RNF157: variants seen among roughly 807,000 people sequenced by gnomAD.
The protein encoded by RNF157 is ring finger protein 157, also known as E3 ubiquitin ligase RNF157.
RNF157 carries 55 observed loss-of-function variants against 88.3 expected under a neutral mutation model. The observed-to-expected ratio is 0.62, with a 90% CI of 0.50 to 0.78. The LOEUF is 0.78. RNF157 is among the 30% of genes least tolerant of loss of function. The probability of loss-of-function intolerance (pLI) is 0.00; values close to 1 mark genes in which losing one functional copy is unlikely to be tolerated. For synonymous variants in RNF157, 334 were observed against 341.2 expected (o/e 0.98, Z 0.23); for missense variants, 788 against 860.8 (o/e 0.92, Z 1.06).
intron 1 of RNF157, among the ~76,000 whole-genome samples, chr17:76,215,362 C>T (rs1004009788): frequency 6.6e-6 from 1 of 151,828 alleles, no homozygotes; most frequent in African/African-American, 2.4e-5. Context: ...GGAGTTCTAG[C>T]TACTCAGAAG....
intron 4 of RNF157, 21 bp downstream of exon 4, chr17:76,167,630 C>G (rs777425272): frequency 6.2e-7 from 1 of 1,613,736 alleles, no homozygotes; most frequent in East Asian, 2.2e-5. Flanking sequence ...GGAAGTGGCT[C>G]TCCTGGTCTC....
intron 2 of RNF157, among the ~76,000 whole-genome samples, chr17:76,186,375 C>G (rs575276818): frequency 6.6e-6 from 1 of 151,634 alleles, no homozygotes; most frequent in East Asian, 2.0e-4. Flanking sequence ...GGCGTGGTGG[C>G]GGGTGCCTGT....
In RNF157 at chr17:76,235,237, G is replaced by A. The variant is rs368112306; in HGVS notation, c.88+4916C>T. ...TTTTGAGACGGAGTCTCGCTCTGTC[G>A]CCCAGGCTGGAGTGCAGTGGCACGA... On this transcript the variant is annotated intron_variant, in intron 1 of 18. Coordinates refer to ENST00000269391, the MANE Select transcript of RNF157 (RefSeq NM_052916.3). Among the ~76,000 whole-genome samples the A allele has an allele frequency of 6.4e-3, 943 of 147,526 alleles. 7 individuals are homozygous for A. Among genetic ancestry groups the A allele is most frequent in the African/African-American group, 0.022 (868 of 39,620 alleles).
intron 2 of RNF157, among the ~76,000 whole-genome samples, chr17:76,201,798 T>A (rs1288270319): frequency 6.6e-6 from 1 of 152,192 alleles, no homozygotes; most frequent in Non-Finnish European, 1.5e-5. Flanking sequence ...TTTTGCTGAA[T>A]AACAGTTCAT....
intron 1 of RNF157, among the ~76,000 whole-genome samples, chr17:76,236,347 T>A (rs1257291976): frequency 6.6e-6 from 1 of 152,246 alleles, no homozygotes; most frequent in Non-Finnish European, 1.5e-5. Flanking sequence ...CAGGCTTTTA[T>A]CAATGTGGAC....
At chr17:76,170,605 T>G (rs1420462349) in intron 3 of RNF157, among the ~76,000 whole-genome samples, 1 of 152,162 alleles carries the variant, frequency 6.6e-6, no homozygotes, top group African/African-American at 2.4e-5. Flanking sequence ...CTGCCTACCT[T>G]GAAGGCAGAC....
chr17:76,230,927 G>T (rs1328923712), intron 1 of RNF157, among the ~76,000 whole-genome samples: 21 of 135,872 alleles, frequency 1.5e-4, no homozygotes, highest in Admixed American at 1.5e-3. Flanking sequence ...TAGATTAAAA[G>T]ATTTAATCTT....
rs761666884 is a variant in RNF157, at chr17:76,240,229, C to A, written c.12G>T (p.Leu4=). ...CCACGCCCGCGTGCTGCCGGCTCGT[C>A]AGGGCCCCCATGGCCGCTGCGGCTG... MGA[L]TSRQHAGVEE... is the part of the protein sequence containing the mutation. Residue 4 remains leucine (L), a synonymous_variant, in exon 1 of 19, where the codon CTG becomes CTT. Coordinates refer to ENST00000269391, the MANE Select transcript of RNF157 (RefSeq NM_052916.3). The surrounding 1 kb of genome is among the most constrained non-coding windows in gnomAD (Gnocchi z 4.4). 7.3e-7 allele frequency: 1 copy of A among 1,362,672 alleles called. No homozygotes were observed. Among genetic ancestry groups the A allele is most frequent in the East Asian group, 3.0e-5 (1 of 33,878 alleles). The allele number at this position is 1,362,672 out of a possible 1,614,324, so 84.4% of individuals were successfully genotyped here. A position where few individuals can be genotyped will look rare whatever the true frequency, so the allele number is the denominator to read the frequency against.
chr17:76,183,175 G>A (rs2069225999), intron 2 of RNF157, among the ~76,000 whole-genome samples: 2 of 151,892 alleles, frequency 1.3e-5, no homozygotes, highest in South Asian at 2.1e-4. Flanking sequence ...GACCTCAGGC[G>A]ATCCGCCCGC....
At chr17:76,166,663 A>G (rs2068930107) in intron 5 of RNF157, 136 bp from the exon 6 acceptor site, 1 of 747,374 alleles carries the variant, frequency 1.3e-6, no homozygotes. Flanking sequence ...CTTGTTAATT[A>G]CCCAAGTTTG....
chr17:76,185,471 C>CTTACTTTTTTTTTT (rs2069266157), intron 2 of RNF157, among the ~76,000 whole-genome samples: 1 of 144,368 alleles, frequency 6.9e-6, no homozygotes, highest in South Asian at 2.1e-4. Flanking sequence ...GAGATTAGTC[C>CTTACTTTTTTTTTT]TTTCTTTTTT....
chr17:76,178,883 G>C (rs895013169), intron 2 of RNF157, among the ~76,000 whole-genome samples: 2 of 151,856 alleles, frequency 1.3e-5, no homozygotes, highest in South Asian at 4.2e-4. Context: ...GTTTGAACAC[G>C]TTCTACCTTT....
chr17:76,190,929 C>A (rs899013032), intron 2 of RNF157, among the ~76,000 whole-genome samples: 2 of 151,312 alleles, frequency 1.3e-5, no homozygotes, highest in Non-Finnish European at 2.9e-5. Flanking sequence ...AAAGTTTACA[C>A]GGCTGAATGC....
intron 2 of RNF157, among the ~76,000 whole-genome samples, chr17:76,203,182 G>T (rs1444152368): frequency 1.3e-5 from 2 of 152,066 alleles, no homozygotes; most frequent in South Asian, 2.1e-4. Context: ...GTAGAGACAG[G>T]GTTTCGCCAT....
chr17:76,230,941 T>A (rs989991238), intron 1 of RNF157, among the ~76,000 whole-genome samples: 1 of 151,200 alleles, frequency 6.6e-6, no homozygotes, highest in Non-Finnish European at 1.5e-5. Context: ...TAATCTTTTT[T>A]TTTTTTTCTT....
At chr17:76,226,240 A>G in intron 1 of RNF157, 1 of 1,610,460 alleles carries the variant, frequency 6.2e-7, no homozygotes, top group South Asian at 1.1e-5. Flanking sequence ...TATCTTCTTC[A>G]GTGATATCCA....
chr17:76,173,733 T>C lies in RNF157; in HGVS notation c.265A>G (p.Asn89Asp). 1.2e-6 allele frequency: 2 copies of C among 1,610,780 alleles called. No homozygotes were observed. Among genetic ancestry groups the C allele is most frequent in the Non-Finnish European group, 1.7e-6 (2 of 1,178,240 alleles). Residue 89 changes from asparagine to aspartate, a missense_variant, in exon 3 of 19, where the codon AAT becomes GAT. Transcript: ENST00000269391. ...EPVKTLRSLV[N>D]IRKDTLRLVK... is the part of the protein sequence containing the mutation. ...AGCCTCAGTGTGTCCTTTCGGATAT[T>C]GACCAGGCTTCTCAGAGTCTTCACG...
chr17:76,187,348 T>C (rs1183543219), intron 2 of RNF157, among the ~76,000 whole-genome samples: 6 of 151,762 alleles, frequency 4.0e-5, no homozygotes, highest in African/African-American at 1.5e-4. Context: ...CATGCCCAGC[T>C]AATTTTTTGT....
chr17:76,181,038 G>A (rs542633063), intron 2 of RNF157, among the ~76,000 whole-genome samples: 2 of 152,126 alleles, frequency 1.3e-5, no homozygotes, highest in South Asian at 2.1e-4. Flanking sequence ...TAAAGAAACC[G>A]AGACTCAAAA....
Sources: allele counts gnomAD v4.1 joint callset (sites outside exome capture counted in the v4.1 genomes callset), GRCh38; gene constraint gnomAD v4.1.1; non-coding constraint Gnocchi (gnomAD v3.1); transcripts MANE v1.5; gene names NCBI Gene and HGNC (gene_info 2026-07-23, HGNC 2026-07-21).